PLCG2: variants seen among roughly 807,000 people sequenced by gnomAD.
The protein encoded by PLCG2 is 1-phosphatidylinositol 4,5-bisphosphate phosphodiesterase gamma-2.
PLCG2 carries 69 observed loss-of-function variants against 175.6 expected under a neutral mutation model. The observed-to-expected ratio is 0.39, with a 90% confidence interval of 0.32 to 0.48. The LOEUF (loss-of-function observed/expected upper bound fraction) is 0.48. PLCG2 is among the 20% of genes least tolerant of loss of function. The pLI is 0.91. For missense variants in PLCG2, 1,798 were observed against 1,650.9 expected, an observed-to-expected ratio of 1.09 and a Z score of -1.54; for synonymous variants, 827 against 624.0, an observed-to-expected ratio of 1.33 and a Z score of -4.85.
chr16:81,877,817 C>T (rs1907878384), intron 7 of PLCG2, among the ~76,000 whole-genome samples: 1 of 150,750 alleles, frequency 6.6e-6, no homozygotes. Context: ...CGCTCCTTGG[C>T]TTGTAGATGT....
chr16:81,917,409 C>T (rs1291271872), intron 19 of PLCG2, among the ~76,000 whole-genome samples: 2 of 152,176 alleles, frequency 1.3e-5, no homozygotes, highest in South Asian at 4.2e-4. Flanking sequence ...CAGATATATA[C>T]CGAGAAGTGG....
chr16:81,920,922 C>T (rs1175802560), intron 20 of PLCG2, among the ~76,000 whole-genome samples: 2 of 152,182 alleles, frequency 1.3e-5, no homozygotes, highest in Non-Finnish European at 2.9e-5. Context: ...AGCACACCAT[C>T]GCATCTTAGG....
At chr16:81,887,181 G>A (rs1408988910) in intron 9 of PLCG2, among the ~76,000 whole-genome samples, 2 of 151,290 alleles carry the variant, frequency 1.3e-5, no homozygotes, top group Non-Finnish European at 2.9e-5. Context: ...GTACAGTGGC[G>A]CGATCTCTGC....
At chr16:81,803,095 A>G (rs1370775774) in intron 2 of PLCG2, among the ~76,000 whole-genome samples, 5 of 146,856 alleles carry the variant, frequency 3.4e-5, no homozygotes, top group African/African-American at 1.0e-4. Flanking sequence ...CTCACAATAC[A>G]TGGCTTTTTG....
At chr16:81,949,896 C>T (rs1567547123) in intron 31 of PLCG2, among the ~76,000 whole-genome samples, 1 of 152,104 alleles carries the variant, frequency 6.6e-6, no homozygotes, top group Non-Finnish European at 1.5e-5. Flanking sequence ...GGGAATCAGT[C>T]AGTAAATAAA....
In PLCG2 at chr16:81,831,213, G is replaced by C. The variant is rs565531025; in HGVS notation, c.194-23231G>C. Among the ~76,000 whole-genome samples, 8 of 152,240 alleles carry C rather than the reference G, an allele frequency of 5.3e-5. No homozygotes were observed. The South Asian group carries it at 1.5e-3, about 28-fold the overall frequency. ...GTGTAATAAATATTGACTTGTCTCT[G>C]TCTCCTCCTATTAGAATGTAATTCT... On this transcript the variant is annotated intron_variant, in intron 2 of 32. Coordinates refer to ENST00000564138, the MANE Select transcript of PLCG2 (RefSeq NM_002661.5).
chr16:81,775,569 C>A (rs1910380750), upstream of PLCG2, among the ~76,000 whole-genome samples: 1 of 152,102 alleles, frequency 6.6e-6, no homozygotes. Flanking sequence ...ATTTCTGATA[C>A]CCATAGGTAT....
intron 30 of PLCG2, among the ~76,000 whole-genome samples, chr16:81,944,489 T>A (rs541473914): frequency 8.5e-5 from 13 of 152,164 alleles, no homozygotes; most frequent in Non-Finnish European, 1.8e-4. Flanking sequence ...AGAGACAAGG[T>A]CTTCCCTCTG....
At chr16:81,763,441 C>T (rs915921130) in intron 2 of PLCG2, among the ~76,000 whole-genome samples, 5 of 152,220 alleles carry the variant, frequency 3.3e-5, no homozygotes, top group Non-Finnish European at 7.3e-5. Flanking sequence ...CCAACTTGGG[C>T]TGGGGCCATC....
chr16:81,833,486 G>T (rs1255016272), intron 2 of PLCG2, among the ~76,000 whole-genome samples: 1 of 151,080 alleles, frequency 6.6e-6, no homozygotes, highest in East Asian at 1.9e-4. Context: ...AAGGTAAAAG[G>T]ATACTCCTGC....
At chr16:81,884,464 A>T (rs1908255311) in intron 9 of PLCG2, among the ~76,000 whole-genome samples, 1 of 151,748 alleles carries the variant, frequency 6.6e-6, no homozygotes, top group East Asian at 1.9e-4. Flanking sequence ...GAGTGAGATC[A>T]ACTTGAAATC....
rs372879639 is a variant in PLCG2, at chr16:81,905,035, G to A, written c.1363-368G>A. ...CCTGAGTAGCTGGGATTACAGGCGC[G>A]TGCCACCATGCCCGGCTAATTTTTT... On this transcript the variant is annotated intron_variant, in intron 14 of 32. Coordinates refer to ENST00000564138, the MANE Select transcript of PLCG2 (RefSeq NM_002661.5). Among the ~76,000 whole-genome samples the A allele has an allele frequency of 1.5e-4, 23 of 152,224 alleles. No homozygotes were observed. The South Asian group carries it at 3.7e-3, about 25-fold the overall frequency.
chr16:81,916,346 CAA>C (rs930020937), intron 19 of PLCG2, among the ~76,000 whole-genome samples: 1 of 150,298 alleles, frequency 6.7e-6, no homozygotes, highest in Non-Finnish European at 1.5e-5. Context: ...TATTTTAAAA[CAA>C]AAAGTCTCTC....
chr16:81,787,526 C>A (rs964833965), intron 2 of PLCG2, among the ~76,000 whole-genome samples: 6 of 135,546 alleles, frequency 4.4e-5, no homozygotes, highest in Non-Finnish European at 9.5e-5. Flanking sequence ...CCTCACCCAG[C>A]CTTGCACTCT....
chr16:81,790,536 C>T (rs1341265393), intron 2 of PLCG2, among the ~76,000 whole-genome samples: 5 of 152,188 alleles, frequency 3.3e-5, no homozygotes. Flanking sequence ...AAGAAGAACT[C>T]CCAGCTCTGG....
intron 2 of PLCG2, among the ~76,000 whole-genome samples, chr16:81,846,072 T>A (rs1291840076): frequency 1.3e-5 from 2 of 152,192 alleles, no homozygotes; most frequent in African/African-American, 4.8e-5. Flanking sequence ...TCAGCTCCCA[T>A]TACCAGGCTT....
chr16:81,943,767 C>T (rs17203310), intron 30 of PLCG2, among the ~76,000 whole-genome samples: 5,262 of 152,274 alleles, frequency 0.035, 130 homozygotes, highest in Non-Finnish European at 0.053. Context: ...CAACAAAAAT[C>T]ACATTGTAGC....
rs578024787 is a variant in PLCG2, at chr16:81,739,963, C to A, written c.-145+578C>A. Among the ~76,000 whole-genome samples the A allele has an allele frequency of 8.0e-5, 12 of 149,308 alleles. No homozygotes were observed. In the East Asian group the frequency reaches 2.2e-3, roughly 28 times the overall value. ...AACCAGCCTGGCCAAGATAGTGAAA[C>A]CCTGTCTCTACTAAAAGTACAAAAA... On this transcript the variant is annotated intron_variant, in intron 1 of 5. Transcript: ENST00000565054.
At chr16:81,835,208 C>T (rs556746962) in intron 2 of PLCG2, among the ~76,000 whole-genome samples, 2 of 152,104 alleles carry the variant, frequency 1.3e-5, no homozygotes, top group African/African-American at 2.4e-5. Context: ...ACTCCTCTGT[C>T]GTAGGGTGGC....
Sources: gnomAD v4.1 joint callset for allele counts (sites outside exome capture counted in the v4.1 genomes callset) on GRCh38, gnomAD v4.1.1 for gene constraint, MANE v1.5 for transcripts, NCBI Gene and HGNC (gene_info 2026-07-23, HGNC 2026-07-21) for gene names.